MMAA: variants seen among roughly 807,000 people sequenced by gnomAD.
MMAA encodes the protein methylmalonic aciduria type A protein, mitochondrial.
MMAA carries 41 observed loss-of-function variants against 45.0 expected under a neutral mutation model. That is an observed-to-expected ratio of 0.91 (90% CI 0.71 to 1.18). The LOEUF is 1.18. Among genes scored for constraint, MMAA ranks in the 50% most tolerant of loss-of-function variants. The probability of loss-of-function intolerance (pLI) is 0.00; values close to 1 mark genes in which losing one functional copy is unlikely to be tolerated. For synonymous variants in MMAA, 154 were observed against 178.2 expected, an observed-to-expected ratio of 0.86 and a Z score of 1.08; for missense variants, 460 against 495.7, an observed-to-expected ratio of 0.93 and a Z score of 0.68.
intron 1 of MMAA, chr4:145,624,917 G>A: frequency 1.4e-6 from 2 of 1,466,678 alleles, no homozygotes; most frequent in Non-Finnish European, 1.9e-6. Context: ...GGTCATGCAG[G>A]CACTTAGATT....
In MMAA at chr4:145,655,775, T is replaced by C. The variant is rs1728213295; in HGVS notation, c.*341T>C. ...TAAAATGCTTATTTTGATTCCATATTATCTGAATTTCCAGAGAGGATGTAA... is the reference window on the plus strand; with the variant it reads ...TAAAATGCTTATTTTGATTCCATATCATCTGAATTTCCAGAGAGGATGTAA... On this transcript the variant is annotated 3_prime_UTR_variant, in exon 7 of 7. Coordinates refer to ENST00000649156, the MANE Select transcript of MMAA (RefSeq NM_172250.3). 1 of 175,784 alleles carries C rather than the reference T, an allele frequency of 5.7e-6. No individual in the cohort carries two copies. Among genetic ancestry groups the C allele is most frequent in the Admixed American group, 5.9e-5 (1 of 17,082 alleles). The allele number at this position is 175,784 out of a possible 1,614,324, so 10.9% of individuals were successfully genotyped here. A position where few individuals can be genotyped will look rare whatever the true frequency, so the allele number is the denominator to read the frequency against.
chr4:145,636,882 G>C (rs551010576), intron 1 of MMAA, among the ~76,000 whole-genome samples: 1 of 152,210 alleles, frequency 6.6e-6, no homozygotes, highest in Non-Finnish European at 1.5e-5. Flanking sequence ...GTAGCAGGTC[G>C]AAAGATGGCC....
chr4:145,632,570 C>T (rs1409520979), intron 1 of MMAA, among the ~76,000 whole-genome samples: 1 of 152,088 alleles, frequency 6.6e-6, no homozygotes, highest in Non-Finnish European at 1.5e-5. Context: ...CTCTGTTATC[C>T]CTTTGAATAA....
chr4:145,635,021 G>A (rs1425703568), intron 1 of MMAA, among the ~76,000 whole-genome samples: 1 of 151,938 alleles, frequency 6.6e-6, no homozygotes, highest in Non-Finnish European at 1.5e-5. Context: ...CTGGGATTAG[G>A]GAAGGAGTGA....
intron 1 of MMAA, among the ~76,000 whole-genome samples, chr4:145,627,619 AT>A (rs1399349692): frequency 6.6e-6 from 1 of 152,140 alleles, no homozygotes; most frequent in Non-Finnish European, 1.5e-5. Flanking sequence ...GACAAATACT[AT>A]TTTTGAGGTG....
In MMAA at chr4:145,659,275, T is replaced by C. The variant is rs186607045; in HGVS notation, c.*3841T>C. The C allele has an allele frequency of 1.3e-5, 2 of 152,328 alleles. No homozygotes were observed. Among genetic ancestry groups the C allele is most frequent in the East Asian group, 3.9e-4 (2 of 5,192 alleles). 9.4% of individuals were successfully genotyped at this position (152,328 alleles called of 1,614,324 possible). A position where few individuals can be genotyped will look rare whatever the true frequency, so the allele number is the denominator to read the frequency against. On this transcript the variant is annotated 3_prime_UTR_variant, in exon 7 of 7. Transcript: ENST00000649156. ...TGAAGCTTCTGTGGATTTGCTTTGTTTGTCATTTGTGGTATGTTTGATAAC... is the reference window on the plus strand; with the variant it reads ...TGAAGCTTCTGTGGATTTGCTTTGTCTGTCATTTGTGGTATGTTTGATAAC...
chr4:145,656,735 C>T lies in MMAA; in HGVS notation c.*1301C>T, dbSNP rs940325586. On this transcript the variant is annotated 3_prime_UTR_variant, in exon 7 of 7. Coordinates refer to ENST00000649156, the MANE Select transcript of MMAA (RefSeq NM_172250.3). ...AAAATTTCGCCATTGCACAAAAAGC[C>T]TTTATAGAAGTTTCTAACATATTCT... 2.6e-5 allele frequency: 4 copies of T among 152,092 alleles called. No homozygotes were observed. Among genetic ancestry groups the T allele is most frequent in the Non-Finnish European group, 5.9e-5 (4 of 67,990 alleles). 9.4% of individuals were successfully genotyped at this position (152,092 alleles called of 1,614,324 possible). A position where few individuals can be genotyped will look rare whatever the true frequency, so the allele number is the denominator to read the frequency against.
chr4:145,623,164 A>G (rs1350660105), intron 1 of MMAA, among the ~76,000 whole-genome samples: 4 of 152,212 alleles, frequency 2.6e-5, no homozygotes, highest in African/African-American at 7.2e-5. Context: ...TGGCCTGTTC[A>G]CTAAAATGTC....
chr4:145,649,200 A>G (rs1728023323), intron 4 of MMAA, among the ~76,000 whole-genome samples: 1 of 151,672 alleles, frequency 6.6e-6, no homozygotes, highest in Non-Finnish European at 1.5e-5. Flanking sequence ...CAGGAGGCTG[A>G]GGTGAAAGAA....
chr4:145,655,295 A>G lies in MMAA; in HGVS notation c.1118A>G (p.Glu373Gly). 1 of 1,614,220 alleles carries G rather than the reference A, an allele frequency of 6.2e-7. No homozygotes were observed. The highest frequency in any genetic ancestry group is 8.5e-7 in the Non-Finnish European group (1 of 1,180,048). Residue 373 changes from glutamate to glycine, a missense_variant, in exon 7 of 7, where the codon GAA (glutamate) becomes GGA (glycine). Transcript: ENST00000649156. ...GTTTGGATGTGGAATCTCATTCAGGAAAGTGTGTTAGAGCATTTCAGGACC... is the reference window on the plus strand; with the variant it reads ...GTTTGGATGTGGAATCTCATTCAGGGAAGTGTGTTAGAGCATTTCAGGACC... ...QKVWMWNLIQ[E>G]SVLEHFRTHP... is the part of the protein sequence containing the mutation.
intron 5 of MMAA, among the ~76,000 whole-genome samples, chr4:145,651,487 T>C (rs561165519): frequency 7.2e-4 from 109 of 152,348 alleles, no homozygotes; most frequent in Non-Finnish European, 1.4e-3. Context: ...GGGATCCCAC[T>C]ATCATAGTTT....
At chr4:145,624,772 C>T (rs928380668) in intron 1 of MMAA, 54 of 1,599,734 alleles carry the variant, frequency 3.4e-5, no homozygotes, top group East Asian at 8.9e-5. Flanking sequence ...TCATCATACA[C>T]GCACTCTGCA....
rs1314623572 is a variant in MMAA, at chr4:145,646,073, T to TA, written c.651dup (p.Gly218ArgfsTer9). 6.2e-7 allele frequency: 1 copy of TA among 1,614,014 alleles called. No homozygotes were observed. Among genetic ancestry groups the TA allele is most frequent in the Non-Finnish European group, 8.5e-7 (1 of 1,179,982 alleles). ...AGGCCATCTCCTACTAGAGGAACTTTAGGAGGCGTGACAAGGACCACAAAT... is the reference window on the plus strand; with the variant it reads ...AGGCCATCTCCTACTAGAGGAACTTTAAGGAGGCGTGACAAGGACCACAAAT... On this transcript the variant is annotated frameshift_variant, in exon 4 of 7. Transcript: ENST00000649156. LOFTEE classifies it high-confidence loss of function.
intron 1 of MMAA, among the ~76,000 whole-genome samples, chr4:145,638,589 T>A (rs1014414274): frequency 5.3e-5 from 8 of 152,222 alleles, no homozygotes; most frequent in Non-Finnish European, 1.0e-4. Flanking sequence ...GTCTACTGAA[T>A]ACAAACATGT....
chr4:145,639,681 T>C, intron 2 of MMAA, 103 bp downstream of exon 2: 1 of 1,467,964 alleles, frequency 6.8e-7, no homozygotes, highest in Non-Finnish European at 9.0e-7. Context: ...ATGGCGACTT[T>C]TTTCACAATA....
intron 1 of MMAA, among the ~76,000 whole-genome samples, chr4:145,627,320 G>T (rs149280700): frequency 1.8e-3 from 271 of 152,242 alleles, no homozygotes; most frequent in African/African-American, 5.5e-3. Context: ...CATGTCAAAG[G>T]TGTCTTGATT....
intron 1 of MMAA, chr4:145,624,202 A>G (rs1381528516): frequency 1.2e-6 from 1 of 849,446 alleles, no homozygotes. Flanking sequence ...CTTTTTATCA[A>G]CTTTAAGCTG....
At chr4:145,654,439 C>T (rs1254807005) in intron 6 of MMAA, among the ~76,000 whole-genome samples, 1 of 152,092 alleles carries the variant, frequency 6.6e-6, no homozygotes, top group African/African-American at 2.4e-5. Context: ...GATTATGGAG[C>T]AGTTAATGAT....
intron 1 of MMAA, among the ~76,000 whole-genome samples, chr4:145,636,326 C>G (rs1727606889): frequency 6.6e-6 from 1 of 152,174 alleles, no homozygotes; most frequent in African/African-American, 2.4e-5. Flanking sequence ...TCCTTTGGTT[C>G]CTTGCTAGGC....
Sources: gnomAD v4.1 joint callset for allele counts (sites outside exome capture counted in the v4.1 genomes callset) on GRCh38, gnomAD v4.1.1 for gene constraint, MANE v1.5 for transcripts, NCBI Gene and HGNC (gene_info 2026-07-23, HGNC 2026-07-21) for gene names.